MYBPC1: variants seen among roughly 807,000 people sequenced by gnomAD.
The protein encoded by MYBPC1 is myosin-binding protein C, slow-type.
In MYBPC1, 52 loss-of-function variants were observed where a neutral mutation model predicts 147.1. That is an observed-to-expected ratio of 0.35 (90% CI 0.28 to 0.45). The LOEUF (loss-of-function observed/expected upper bound fraction) is 0.45, where lower values mean the gene tolerates loss of function less well. Among genes scored for constraint, MYBPC1 ranks in the 20% least tolerant of loss-of-function variants. The pLI, the probability that MYBPC1 is intolerant of heterozygous loss-of-function variation, is 1.00. For missense variants in MYBPC1, 1,228 were observed against 1,440.3 expected, an observed-to-expected ratio of 0.85 and a Z score of 2.39; for synonymous variants, 477 against 475.9, an observed-to-expected ratio of 1.00 and a Z score of -0.03.
chr12:101,622,132 T>C (rs1223052258), intron 3 of MYBPC1, among the ~76,000 whole-genome samples: 3 of 152,162 alleles, frequency 2.0e-5, no homozygotes, highest in Non-Finnish European at 4.4e-5. Context: ...CATCACCACG[T>C]TTAGATAGAA....
At chr12:101,682,688 A>G (rs1482047374) in intron 30 of MYBPC1, 26 bp downstream of exon 30, 1 of 1,588,832 alleles carries the variant, frequency 6.3e-7, no homozygotes, top group African/African-American at 1.3e-5. Flanking sequence ...ATCCCACTGG[A>G]TATTCTACTT....
In MYBPC1 at chr12:101,646,818, A is replaced by T; in HGVS notation, c.1021A>T (p.Met341Leu). The change falls in exon 13 of 32, where the codon ATG (methionine) becomes TTG (leucine). Residue 341 changes from methionine (M) to leucine (L), a missense_variant. Met to Leu is a conservative substitution (Grantham distance 15). Around this residue, in one of 2 missense-constraint regions of MYBPC1, gnomAD observed 1,077 missense variants for 1,314.2 expected, o/e 0.82. Transcript: ENST00000361466. Reference protein sequence around the residue: ...QRILFINNCQMTDDSEYYVTA... With the variant: ...QRILFINNCQLTDDSEYYVTA... Reference sequence around the variant, plus strand: ...AATCCTGTTTATCAATAACTGTCAGATGACAGATGATTCAGAGTATTATGT... The same window carrying T: ...AATCCTGTTTATCAATAACTGTCAGTTGACAGATGATTCAGAGTATTATGT... 3 of 1,612,796 alleles carry T rather than the reference A, an allele frequency of 1.9e-6. No individual in the cohort carries two copies. The highest frequency in any genetic ancestry group is 1.7e-6 in the Non-Finnish European group (2 of 1,178,732).
At chr12:101,616,656 G>A (rs1462211797) in intron 2 of MYBPC1, among the ~76,000 whole-genome samples, 1 of 152,114 alleles carries the variant, frequency 6.6e-6, no homozygotes, top group East Asian at 1.9e-4. Flanking sequence ...AGAATCTGAT[G>A]TTACTGCTCT....
intron 18 of MYBPC1, among the ~76,000 whole-genome samples, chr12:101,654,021 T>G (rs1002698041): frequency 6.6e-6 from 1 of 152,138 alleles, no homozygotes; most frequent in Non-Finnish European, 1.5e-5. Flanking sequence ...TGAGCCTGCA[T>G]GGAGAAACCC....
In MYBPC1 at chr12:101,682,680, C is replaced by A. The variant is rs768445621; in HGVS notation, c.3492+18C>A. 2 of 1,599,922 alleles carry A rather than the reference C, an allele frequency of 1.3e-6. No homozygotes were observed. Among genetic ancestry groups the A allele is most frequent in the South Asian group, 2.2e-5 (2 of 90,682 alleles). On this transcript the variant is annotated intron_variant, in intron 30 of 31. Coordinates refer to ENST00000361466, the MANE Select transcript of MYBPC1 (RefSeq NM_002465.4). The stretch of plus-strand genomic sequence containing the variant: ...AGCAACAGGTTTAAAAAGTTTATAT[C>A]CCACTGGATATTCTACTTTCCGTTC...
intron 15 of MYBPC1, 173 bp from the exon 16 acceptor site, chr12:101,651,058 A>G: frequency 1.3e-6 from 1 of 756,852 alleles, no homozygotes; most frequent in Non-Finnish European, 2.2e-6. Flanking sequence ...AAGGAATGAA[A>G]TTGTACAGAA....
At chr12:101,688,634 A>ATTGTAATGGATTTAG, downstream of MYBPC1, among the ~76,000 whole-genome samples, 1 of 152,158 alleles carries the variant, frequency 6.6e-6, no homozygotes, top group Non-Finnish European at 1.5e-5. Flanking sequence ...TCTGCATGGC[A>ATTGTAATGGATTTAG]CTGTAATGGA....
chr12:101,651,533 CAAG>C lies in MYBPC1; in HGVS notation c.1526+144_1526+146del. 4.6e-6 allele frequency: 5 copies of C among 1,098,200 alleles called. No individual in the cohort carries two copies. In the East Asian group the frequency reaches 7.5e-5, roughly 16 times the overall value. The allele number at this position is 1,098,200 out of a possible 1,614,324, so 68.0% of individuals were successfully genotyped here. A position where few individuals can be genotyped will look rare whatever the true frequency, so the allele number is the denominator to read the frequency against. Reference sequence around the variant, plus strand: ...TTCCTGATTCTTCGCTTCCAACTAGCAAGAAGGTGTGATTTCTCTGTTGTATAG... The same window carrying C: ...TTCCTGATTCTTCGCTTCCAACTAGCAAGGTGTGATTTCTCTGTTGTATAG... On this transcript the variant is annotated intron_variant, in intron 16 of 31. Transcript: ENST00000361466.
Position 101,633,836 on chromosome 12 carries a change from G to A in MYBPC1, c.557-718G>A, listed in dbSNP as rs150342085. Among the ~76,000 whole-genome samples, 920 of 152,002 alleles carry A rather than the reference G, an allele frequency of 6.1e-3. 4 individuals are homozygous for A. The highest frequency in any genetic ancestry group is 0.02 in the Middle Eastern group (6 of 294). Reference sequence around the variant, plus strand: ...TATTTCTGTATTAGGTGGGATCTGGGATCCTGGGCAGCACTGCTTCAACCT... The same window carrying A: ...TATTTCTGTATTAGGTGGGATCTGGAATCCTGGGCAGCACTGCTTCAACCT... On this transcript the variant is annotated intron_variant, in intron 8 of 31. Coordinates refer to ENST00000361466, the MANE Select transcript of MYBPC1 (RefSeq NM_002465.4).
intron 28 of MYBPC1, among the ~76,000 whole-genome samples, chr12:101,678,675 TAAG>T (rs1305275360): frequency 6.6e-6 from 1 of 152,202 alleles, no homozygotes; most frequent in Non-Finnish European, 1.5e-5. Context: ...TACAGTGTGC[TAAG>T]AAGGGAGCTA....
At chr12:101,673,772 G>C (rs2136716142) in intron 25 of MYBPC1, 150 bp downstream of exon 25, 1 of 929,770 alleles carries the variant, frequency 1.1e-6, no homozygotes, top group East Asian at 2.6e-5. Context: ...GATAAATTAG[G>C]CTGGGCGTGG....
chr12:101,649,194 A>G (rs1331193298), intron 14 of MYBPC1, 66 bp from the exon 15 acceptor site: 5 of 1,431,716 alleles, frequency 3.5e-6, no homozygotes, highest in African/African-American at 1.4e-5. Context: ...GCAATAAGCA[A>G]GATGGACAAG....
Position 101,685,640 on chromosome 12 carries a change from G to GT in MYBPC1, c.*79dup. The GT allele has an allele frequency of 6.5e-7, 1 of 1,533,818 alleles. No individual in the cohort carries two copies. Among genetic ancestry groups the GT allele is most frequent in the South Asian group, 1.2e-5 (1 of 83,960 alleles). ...GCGTACCTCCAAACATAATTGATTC[G>GT]TATCTGCGAGACTTACACTCAAGCA... On this transcript the variant is annotated 3_prime_UTR_variant, in exon 32 of 32. Coordinates refer to ENST00000361466, the MANE Select transcript of MYBPC1 (RefSeq NM_002465.4).
Position 101,673,437 on chromosome 12 carries a change from G to T in MYBPC1, c.2624G>T (p.Arg875Ile). 1 of 1,612,596 alleles carries T rather than the reference G, an allele frequency of 6.2e-7. No individual in the cohort carries two copies. Among genetic ancestry groups the T allele is most frequent in the South Asian group, 1.1e-5 (1 of 90,994 alleles). Residue 875 changes from arginine (R) to isoleucine (I), a missense_variant, in exon 25 of 32, where the codon AGA (arginine) becomes ATA (isoleucine). Physicochemically the swap from Arg to Ile is moderately conservative, Grantham distance 97. This residue lies in a region of MYBPC1 where 1,077 missense variants were observed against 1,314.2 expected (regional missense o/e 0.82). Transcript: ENST00000361466. The part of the protein sequence containing the change: ...NLVIPFQGKP[R>I]PELTWKKDGA... ...TGTCTTTCTTTTTAGGGAAAACCAAGACCAGAATTAACTTGGAAGAAGGAT... is the reference window on the plus strand; with the variant it reads ...TGTCTTTCTTTTTAGGGAAAACCAATACCAGAATTAACTTGGAAGAAGGAT...
chr12:101,662,574 A>G, intron 21 of MYBPC1, 28 bp downstream of exon 21: 4 of 1,608,696 alleles, frequency 2.5e-6, no homozygotes, highest in Non-Finnish European at 3.4e-6. Context: ...AGTCTTTGTC[A>G]TCAGAATCAT....
In MYBPC1 at chr12:101,649,340, T is replaced by C. The variant is rs370077357; in HGVS notation, c.1277T>C (p.Ile426Thr). The C allele has an allele frequency of 1.8e-5, 29 of 1,613,850 alleles. No individual in the cohort carries two copies. Among genetic ancestry groups the C allele is most frequent in the Middle Eastern group, 3.3e-4 (2 of 6,082 alleles). ...GTTGAGGGTAAAAAACACATCTTGATCATAGAGGGAGCAACAAAGGCTGAT... is the reference window on the plus strand; with the variant it reads ...GTTGAGGGTAAAAAACACATCTTGACCATAGAGGGAGCAACAAAGGCTGAT... ...IRVEGKKHIL[I>T]IEGATKADAA... The change falls in exon 15 of 32, where the codon ATC becomes ACC. Residue 426 changes from isoleucine to threonine, a missense_variant. Physicochemically the swap from Ile to Thr is moderately conservative, Grantham distance 89. Coordinates refer to ENST00000361466, the MANE Select transcript of MYBPC1 (RefSeq NM_002465.4).
In MYBPC1 at chr12:101,631,540, G is replaced by C. The variant is rs138585858; in HGVS notation, c.290-31G>C. The stretch of plus-strand genomic sequence containing the variant: ...AGCAAAACAAATGACGCTTGTTAAA[G>C]AGCAAGCTGAATCCCTTATGCTTCT... On this transcript the variant is annotated intron_variant, in intron 6 of 31. Coordinates refer to ENST00000361466, the MANE Select transcript of MYBPC1 (RefSeq NM_002465.4). 1.6e-5 allele frequency: 26 copies of C among 1,611,736 alleles called. No individual in the cohort carries two copies. The African/African-American group carries it at 3.1e-4, about 19-fold the overall frequency.
At chr12:101,660,654 T>C (rs2136431124) in intron 19 of MYBPC1, among the ~76,000 whole-genome samples, 1 of 152,256 alleles carries the variant, frequency 6.6e-6, no homozygotes. Flanking sequence ...CTAACTTGTA[T>C]GAGTCTGTTT....
intron 21 of MYBPC1, 113 bp downstream of exon 21, chr12:101,662,659 G>T (rs753936573): frequency 8.3e-7 from 1 of 1,211,902 alleles, no homozygotes; most frequent in Non-Finnish European, 1.2e-6. Flanking sequence ...GTTGTAGGTG[G>T]GCAGGAGCTT....
Sources: gnomAD v4.1 joint callset for allele counts (sites outside exome capture counted in the v4.1 genomes callset) on GRCh38, gnomAD v4.1.1 for gene constraint, gnomAD v4.1.1 regional missense constraint, MANE v1.5 for transcripts, NCBI Gene and HGNC (gene_info 2026-07-23, HGNC 2026-07-21) for gene names.